KCTD14: variants seen among roughly 807,000 people sequenced by gnomAD.
KCTD14 encodes the protein potassium channel tetramerization domain containing 14.
KCTD14 carries 7 observed loss-of-function variants against 5.9 expected under a neutral mutation model. That is an observed-to-expected ratio of 1.19 (90% CI 0.68 to 2.23). The LOEUF (loss-of-function observed/expected upper bound fraction) is 2.23. Among genes scored for constraint, KCTD14 ranks in the 30% most tolerant of loss-of-function variants. KCTD14 has a pLI of 0.00. For missense variants in KCTD14, 342 were observed against 332.2 expected (o/e 1.03, Z -0.23); for synonymous variants, 140 against 133.1 (o/e 1.05, Z -0.36).
chr11:78,027,065 C>T (rs1422942542), upstream of KCTD14, among the ~76,000 whole-genome samples: 1 of 151,968 alleles, frequency 6.6e-6, no homozygotes, highest in Non-Finnish European at 1.5e-5. Flanking sequence ...TGCCACTGCA[C>T]TCTAGCCTGG....
Position 78,016,860 on chromosome 11 carries a change from G to A in KCTD14, c.501C>T (p.Ser167=), listed in dbSNP as rs369393174. The A allele has an allele frequency of 1.8e-5, 29 of 1,614,094 alleles. No homozygotes were observed. The African/African-American group carries it at 2.5e-4, about 14-fold the overall frequency. The change falls in exon 2 of 2, where the codon AGC becomes AGT. Residue 167 remains serine, a synonymous_variant. Transcript: ENST00000353172. ...CAGTTTCCACCAGGCACACAAGCAC[G>A]CTGGACTTCCGTGCTGTTATGGCTT... is the stretch of plus-strand genomic sequence containing the variant. ...RAEAITARKS[S]VLVCLVETEE...
At chr11:78,035,802 G>A (rs563783765) in intron 2 of KCTD14, among the ~76,000 whole-genome samples, 30 of 123,086 alleles carry the variant, frequency 2.4e-4, no homozygotes, top group African/African-American at 9.8e-4. Context: ...CTGAGATTGT[G>A]CCACCACACT....
At chr11:78,031,738 A>G (rs1237886829) in intron 2 of KCTD14, among the ~76,000 whole-genome samples, 2 of 152,212 alleles carry the variant, frequency 1.3e-5, no homozygotes. Flanking sequence ...CTGTGTGTCA[A>G]TCATGGCACC....
intron 1 of KCTD14, among the ~76,000 whole-genome samples, chr11:78,040,470 G>A (rs773075240): frequency 1.3e-5 from 2 of 150,014 alleles, no homozygotes; most frequent in African/African-American, 4.9e-5. Context: ...TCTCTCTGCT[G>A]TTTTCTTCCT....
At chr11:78,038,372 T>C (rs1857879327) in intron 2 of KCTD14, among the ~76,000 whole-genome samples, 1 of 152,244 alleles carries the variant, frequency 6.6e-6, no homozygotes, top group Admixed American at 6.5e-5. Context: ...TGATGGCCTC[T>C]GGCCTGCAGG....
At chr11:78,039,436 G>T (rs1389328571) in intron 1 of KCTD14, among the ~76,000 whole-genome samples, 1 of 152,080 alleles carries the variant, frequency 6.6e-6, no homozygotes, top group Non-Finnish European at 1.5e-5. Flanking sequence ...GGCTGAGGCG[G>T]GAGGATTGCT....
intron 2 of KCTD14, chr11:78,038,607 T>G (rs949316021): frequency 6.5e-7 from 1 of 1,528,382 alleles, no homozygotes; most frequent in Non-Finnish European, 8.8e-7. Flanking sequence ...GAACAGCTTC[T>G]CCACCATCTC....
chr11:78,016,281 T>C lies in KCTD14; in HGVS notation c.*312A>G. On this transcript the variant is annotated 3_prime_UTR_variant, in exon 2 of 2. Transcript: ENST00000353172. ...CACAGTATCTTGTATGTTCCTGTTG[T>C]CATCTCACATCTCTTGCCAACGCAT... 5.1e-6 allele frequency: 2 copies of C among 389,406 alleles called. No homozygotes were observed. The highest frequency in any genetic ancestry group is 6.0e-5 in the South Asian group (2 of 33,450). 24.1% of individuals were successfully genotyped at this position (389,406 alleles called of 1,614,324 possible). A position where few individuals can be genotyped will look rare whatever the true frequency, so the allele number is the denominator to read the frequency against.
rs372970068 is a variant in KCTD14 at position 78,038,054 on chromosome 11, A to G, written c.-1+610T>C. On this transcript the variant is annotated intron_variant, in intron 2 of 2. Transcript: ENST00000533144. ...CCCCAGGCTTCCCCACCAGACCAGC[A>G]TGGATTAAGGCACTCTGCCCCCCAC... Among the ~76,000 whole-genome samples, 375 of 150,908 alleles carry G rather than the reference A, an allele frequency of 2.5e-3. 4 individuals carry two copies. The highest frequency in any genetic ancestry group is 7.4e-3 in the African/African-American group (304 of 41,178).
Position 78,017,284 on chromosome 11 carries a change from A to G in KCTD14, c.91-14T>C, listed in dbSNP as rs1307950654. 8 of 1,569,162 alleles carry G rather than the reference A, an allele frequency of 5.1e-6. No individual in the cohort carries two copies. Among genetic ancestry groups the G allele is most frequent in the East Asian group, 2.3e-5 (1 of 44,100 alleles). The stretch of plus-strand genomic sequence containing the variant: ...AACAGTAGACATCTGGGGGCACAAG[A>G]GGCAGAGTAAACCAACACGCCATCT... On this transcript the variant is annotated splice_polypyrimidine_tract_variant and intron_variant, in intron 1 of 1. Coordinates refer to ENST00000353172, the MANE Select transcript of KCTD14 (RefSeq NM_023930.4).
chr11:78,034,117 C>G (rs1857719365), intron 2 of KCTD14, among the ~76,000 whole-genome samples: 1 of 151,192 alleles, frequency 6.6e-6, no homozygotes, highest in Non-Finnish European at 1.5e-5. Context: ...ACACCCAGCT[C>G]TTTTATTTAT....
At chr11:78,039,941 A>G (rs1038346011) in intron 1 of KCTD14, among the ~76,000 whole-genome samples, 1 of 151,952 alleles carries the variant, frequency 6.6e-6, no homozygotes, top group African/African-American at 2.4e-5. Context: ...TTTCTCTACT[A>G]TAATAGTGCT....
At chr11:78,023,283 C>A, upstream of KCTD14, 1 of 1,601,346 alleles carries the variant, frequency 6.2e-7, no homozygotes. Flanking sequence ...GTGCCCCTGG[C>A]TGCCCGCCCC....
rs982708633 is a variant in KCTD14, at chr11:78,031,464, C to T, written c.-1+7200G>A. Among the ~76,000 whole-genome samples, 10 of 150,600 alleles carry T rather than the reference C, an allele frequency of 6.6e-5. No individual in the cohort carries two copies. The East Asian group carries it at 1.8e-3, about 26-fold the overall frequency. On this transcript the variant is annotated intron_variant, in intron 2 of 2. Coordinates refer to the KCTD14 transcript ENST00000533144. ...TGTGATCTCGGCTCACTGCAACCTC[C>T]GCCTCCAGAGTTCAAGCAATTCTCC...
intron 2 of KCTD14, among the ~76,000 whole-genome samples, chr11:78,030,236 GTGACATTAGCACATT>G (rs1857577887): frequency 2.0e-5 from 3 of 152,104 alleles, no homozygotes; most frequent in Admixed American, 2.0e-4. Flanking sequence ...CAGTTTTCCA[GTGACATTAGCACATT>G]TGACCCTGGC....
intron 1 of KCTD14, among the ~76,000 whole-genome samples, chr11:78,020,576 C>A (rs1446029367): frequency 3.3e-5 from 5 of 152,240 alleles, no homozygotes; most frequent in African/African-American, 1.2e-4. Flanking sequence ...CCTGAAGTCA[C>A]CTCTGTAAAG....
At chr11:78,035,830 G>GCA (rs1043030211) in intron 2 of KCTD14, among the ~76,000 whole-genome samples, 6 of 111,678 alleles carry the variant, frequency 5.4e-5, no homozygotes, top group Non-Finnish European at 8.6e-5. Context: ...GGGCAACAGA[G>GCA]CGAGACTCCA....
At chr11:78,043,617 G>A (rs145483724) in intron 1 of KCTD14, among the ~76,000 whole-genome samples, 12 of 152,198 alleles carry the variant, frequency 7.9e-5, no homozygotes, top group Admixed American at 2.6e-4. Context: ...GAACCAGCTC[G>A]TGGGGTGTCA....
chr11:78,036,368 C>T (rs747175724), intron 2 of KCTD14, among the ~76,000 whole-genome samples: 7 of 152,226 alleles, frequency 4.6e-5, no homozygotes, highest in Non-Finnish European at 8.8e-5. Context: ...TCACCATGTG[C>T]CAGACTCCAT....
Sources: allele counts gnomAD v4.1 joint callset (sites outside exome capture counted in the v4.1 genomes callset), GRCh38; gene constraint gnomAD v4.1.1; transcripts MANE v1.5; gene names NCBI Gene and HGNC (gene_info 2026-07-23, HGNC 2026-07-21).